The following CYGB variants were observed in gnomAD, a reference collection of about 807,000 sequenced individuals.
The protein encoded by CYGB is cytoglobin.
Under a neutral mutation model 20.7 loss-of-function variants are expected in CYGB, and 13 were observed. The observed-to-expected ratio is 0.63, with a 90% confidence interval of 0.41 to 1.00. The LOEUF is 1.00. Ranked by LOEUF, CYGB falls within the 50% of genes least tolerant of loss-of-function variation. The pLI is 0.00. For missense variants in CYGB, 218 were observed against 257.2 expected (o/e 0.85, Z 1.04); for synonymous variants, 93 against 107.4 (o/e 0.87, Z 0.83).
At chr17:76,542,480 G>A, upstream of CYGB, 1 of 1,556,680 alleles carries the variant, frequency 6.4e-7, no homozygotes, top group Non-Finnish European at 8.9e-7. Flanking sequence ...ATGGGAGGAG[G>A]AGGAAGAGGA....
Position 76,533,396 on chromosome 17 carries a change from A to C in CYGB, c.144-1705T>G, listed in dbSNP as rs1421985573. ...AAACCCAATTTGGACTTAAACAAGCATCTCAGACTTTGGAGGTTTTACAAT... is the reference window on the plus strand; with the variant it reads ...AAACCCAATTTGGACTTAAACAAGCCTCTCAGACTTTGGAGGTTTTACAAT... On this transcript the variant is annotated intron_variant, in intron 1 of 3. Transcript: ENST00000293230. The surrounding 1 kb of genome is among the most constrained non-coding windows in gnomAD (Gnocchi z 4.5). Among the ~76,000 whole-genome samples, 1 of 152,234 alleles carries C rather than the reference A, an allele frequency of 6.6e-6. No individual in the cohort carries two copies.
Position 76,530,827 on chromosome 17 carries a change from C to G in CYGB, c.539+152G>C. 1 of 785,252 alleles carries G rather than the reference C, an allele frequency of 1.3e-6. No homozygotes were observed. Among genetic ancestry groups the G allele is most frequent in the South Asian group, 2.2e-5 (1 of 45,662 alleles). The allele number at this position is 785,252 out of a possible 1,614,324, so 48.6% of individuals were successfully genotyped here. Reference sequence around the variant, plus strand: ...ATCTTGAAGGCCTTTCCTATTATGCCTGTTCTTACATGTCAGACCCCAGGG... The same window carrying G: ...ATCTTGAAGGCCTTTCCTATTATGCGTGTTCTTACATGTCAGACCCCAGGG... On this transcript the variant is annotated intron_variant, in intron 3 of 3. Coordinates refer to ENST00000293230, the MANE Select transcript of CYGB (RefSeq NM_134268.5). This position sits in a 1 kb window ranked among gnomAD's most constrained non-coding sequence, Gnocchi z 6.1.
rs2074842505 is a variant in CYGB at position 76,531,456 on chromosome 17, A to G, written c.375+4T>C. 1.2e-6 allele frequency: 2 copies of G among 1,601,098 alleles called. No homozygotes were observed. Among genetic ancestry groups the G allele is most frequent in the African/African-American group, 1.3e-5 (1 of 74,710 alleles). ...GGGGCTCTGCAGCAGATGGGGGCGC[A>G]TACCTTGAAGTACACCGGTTCCACC... On this transcript the variant is annotated splice_donor_region_variant and intron_variant, in intron 2 of 3. Transcript: ENST00000293230. The surrounding 1 kb of genome is among the most constrained non-coding windows in gnomAD (Gnocchi z 7.4).
In CYGB at chr17:76,528,131, T is replaced by C. The variant is rs2074788867; in HGVS notation, c.*447A>G. On this transcript the variant is annotated 3_prime_UTR_variant, in exon 4 of 4. Transcript: ENST00000293230. The surrounding 1 kb of genome is among the most constrained non-coding windows in gnomAD (Gnocchi z 5.8). ...AGATATGTATGTGTGTATATATATA[T>C]GTATATATATATTTATATATAGCTC... 3.0e-6 allele frequency: 1 copy of C among 328,862 alleles called. No individual in the cohort carries two copies. Among genetic ancestry groups the C allele is most frequent in the Non-Finnish European group, 5.4e-6 (1 of 186,318 alleles). The allele number at this position is 328,862 out of a possible 1,614,324, so 20.4% of individuals were successfully genotyped here.
chr17:76,528,557 A>C lies in CYGB; in HGVS notation c.*21T>G, dbSNP rs2074793508. 1 of 1,186,252 alleles carries C rather than the reference A, an allele frequency of 8.4e-7. No homozygotes were observed. The highest frequency in any genetic ancestry group is 1.1e-6 in the Non-Finnish European group (1 of 938,930). The allele number at this position is 1,186,252 out of a possible 1,614,324, so 73.5% of individuals were successfully genotyped here. A position where few individuals can be genotyped will look rare whatever the true frequency, so the allele number is the denominator to read the frequency against. On this transcript the variant is annotated 3_prime_UTR_variant, in exon 4 of 4. Coordinates refer to ENST00000293230, the MANE Select transcript of CYGB (RefSeq NM_134268.5). The surrounding 1 kb of genome is among the most constrained non-coding windows in gnomAD (Gnocchi z 5.8). ...CCTTCTGCTCGAGGTGCTGCCAGGGAGGGGGGTGGAGTTAGGGGTCCTACG... is the reference window on the plus strand; with the variant it reads ...CCTTCTGCTCGAGGTGCTGCCAGGGCGGGGGGTGGAGTTAGGGGTCCTACG...
chr17:76,550,620 AT>A (rs2075100881), intron 1 of CYGB: 1 of 152,246 alleles, frequency 6.6e-6, no homozygotes, highest in African/African-American at 2.4e-5. Flanking sequence ...TTGTGGTTAC[AT>A]GGGTCTATAC....
chr17:76,532,563 A>C (rs1158060425), intron 1 of CYGB, among the ~76,000 whole-genome samples: 3 of 130,992 alleles, frequency 2.3e-5, no homozygotes, highest in Admixed American at 8.8e-5. Context: ...ATGGAGTCTC[A>C]CTCTGTCATC....
upstream of CYGB, among the ~76,000 whole-genome samples, chr17:76,539,867 A>C (rs2074964414): frequency 6.6e-6 from 1 of 152,230 alleles, no homozygotes; most frequent in South Asian, 2.1e-4. Flanking sequence ...AGCAAGGCCC[A>C]GTCTCATCAG....
intron 1 of CYGB, among the ~76,000 whole-genome samples, chr17:76,534,929 C>G (rs1423556866): frequency 6.6e-6 from 1 of 152,232 alleles, no homozygotes. Context: ...GAGACCCTCC[C>G]GGTCTCAGCC....
intron 1 of CYGB, chr17:76,545,775 T>G (rs934383208): frequency 5.3e-5 from 12 of 224,348 alleles, no homozygotes; most frequent in Non-Finnish European, 9.0e-5. Context: ...GTGTCCCATA[T>G]ATGTGAGCTG....
At chr17:76,544,505 A>G (rs1286428811) in intron 1 of CYGB, 1 of 456,176 alleles carries the variant, frequency 2.2e-6, no homozygotes, top group Non-Finnish European at 4.4e-6. Context: ...GTTCTGTGGG[A>G]GCCTCTCAAA....
upstream of CYGB, among the ~76,000 whole-genome samples, chr17:76,542,140 G>A (rs547555206): frequency 3.1e-4 from 47 of 152,338 alleles, 1 homozygote; most frequent in African/African-American, 7.9e-4. Flanking sequence ...TGTGGCTAAT[G>A]CGGGATGCTC....
Position 76,530,523 on chromosome 17 carries a change from C to G in CYGB, c.539+456G>C, listed in dbSNP as rs1232805180. The stretch of plus-strand genomic sequence containing the variant: ...CCTCGTGATCCTCCGGGCTCTAGCC[C>G]TATTGAGGCAGAGGGCATTTAGCAG... On this transcript the variant is annotated intron_variant, in intron 3 of 3. Transcript: ENST00000293230. This position sits in a 1 kb window ranked among gnomAD's most constrained non-coding sequence, Gnocchi z 6.1. 1.3e-5 allele frequency among the ~76,000 whole-genome samples: 2 copies of G among 152,162 alleles called. No individual in the cohort carries two copies. Among genetic ancestry groups the G allele is most frequent in the Non-Finnish European group, 2.9e-5 (2 of 68,018 alleles).
chr17:76,537,378 G>A, intron 1 of CYGB, 22 bp downstream of exon 1: 1 of 1,574,784 alleles, frequency 6.4e-7, no homozygotes, highest in Non-Finnish European at 8.6e-7. Context: ...CCCAGGGCCC[G>A]GCCGGGCCGG....
In CYGB at chr17:76,542,898, G is replaced by A. The variant is rs143108712; in HGVS notation, c.-53+7964C>T. 5.5e-4 allele frequency: 323 copies of A among 591,372 alleles called. 1 individual carries two copies. Among genetic ancestry groups the A allele is most frequent in the African/African-American group, 5.3e-3 (287 of 54,632 alleles). The allele number at this position is 591,372 out of a possible 1,614,324, so 36.6% of individuals were successfully genotyped here. On this transcript the variant is annotated intron_variant, in intron 1 of 3. Transcript: ENST00000589145. ...TAGGCTTGGGGATGGCGAGGTGGTCGTGCTGGGGCATGAGGGCAGTGTCGG... is the reference window on the plus strand; with the variant it reads ...TAGGCTTGGGGATGGCGAGGTGGTCATGCTGGGGCATGAGGGCAGTGTCGG...
intron 1 of CYGB, chr17:76,545,366 A>G (rs1208030299): frequency 6.6e-6 from 3 of 456,624 alleles, no homozygotes; most frequent in Admixed American, 4.7e-5. Flanking sequence ...AATCCTGACT[A>G]TGACACTGTC....
chr17:76,531,312 C>A lies in CYGB; in HGVS notation c.375+148G>T. The stretch of plus-strand genomic sequence containing the variant: ...AAGGGTTGCCCTGGACCCAGCCCCT[C>A]CATCCTGCTGCCGGGCACTGCCCCT... On this transcript the variant is annotated intron_variant, in intron 2 of 3. Coordinates refer to ENST00000293230, the MANE Select transcript of CYGB (RefSeq NM_134268.5). The surrounding 1 kb of genome is among the most constrained non-coding windows in gnomAD (Gnocchi z 7.4). 8.3e-7 allele frequency: 1 copy of A among 1,205,414 alleles called. No individual in the cohort carries two copies. The highest frequency in any genetic ancestry group is 1.2e-6 in the Non-Finnish European group (1 of 863,604). The allele number at this position is 1,205,414 out of a possible 1,614,324, so 74.7% of individuals were successfully genotyped here.
Position 76,537,495 on chromosome 17 carries a change from G to A in CYGB, c.48C>T (p.Ser16=). Residue 16 remains serine, a synonymous_variant, in exon 1 of 4, where the codon AGC becomes AGT. Transcript: ENST00000293230. ...TCCTCTCCGCCTCGGACAGCTCCTCGCTCCGCTCCCTGCGCTCGATCTCCA... is the reference window on the plus strand; with the variant it reads ...TCCTCTCCGCCTCGGACAGCTCCTCACTCCGCTCCCTGCGCTCGATCTCCA... ...GEMEIERRER[S]EELSEAERKA... is the part of the protein sequence containing the mutation. 2 of 1,583,162 alleles carry A rather than the reference G, an allele frequency of 1.3e-6. No homozygotes were observed. The highest frequency in any genetic ancestry group is 1.7e-6 in the Non-Finnish European group (2 of 1,166,360).
Position 76,531,526 on chromosome 17 carries a change from G to T in CYGB, c.309C>A (p.Ser103=), listed in dbSNP as rs759755981. 1.3e-5 allele frequency: 21 copies of T among 1,614,124 alleles called. No individual in the cohort carries two copies. Among genetic ancestry groups the T allele is most frequent in the Non-Finnish European group, 1.5e-5 (18 of 1,179,930 alleles). The change falls in exon 2 of 4, where the codon TCC becomes TCA. Residue 103 remains serine, a synonymous_variant. Transcript: ENST00000293230. This position sits in a 1 kb window ranked among gnomAD's most constrained non-coding sequence, Gnocchi z 7.4. ...VENLHDPDKV[S]SVLALVGKAH... ...CTTTCCCCACAAGGGCGAGCACAGA[G>T]GACACCTTGTCGGGGTCATGCAGGT...
Sources: allele counts gnomAD v4.1 joint callset (sites outside exome capture counted in the v4.1 genomes callset), GRCh38; gene constraint gnomAD v4.1.1; non-coding constraint Gnocchi (gnomAD v3.1); transcripts MANE v1.5; gene names NCBI Gene and HGNC (gene_info 2026-07-23, HGNC 2026-07-21).